PPP2R2B: variants seen among roughly 807,000 people sequenced by gnomAD.
The protein encoded by PPP2R2B is protein phosphatase 2 regulatory subunit Bbeta.
PPP2R2B carries 5 observed loss-of-function variants against 46.0 expected under a neutral mutation model. The ratio of observed to expected loss-of-function variants is 0.11; its 90% CI spans 0.06 to 0.23. The LOEUF (loss-of-function observed/expected upper bound fraction) is 0.23, where lower values mean the gene tolerates loss of function less well. PPP2R2B is among the 10% of genes least tolerant of loss of function. The pLI is 1.00. For missense variants in PPP2R2B, 367 were observed against 575.0 expected (o/e 0.64, Z 3.70); for synonymous variants, 215 against 206.7 (o/e 1.04, Z -0.34).
intron 2 of PPP2R2B, among the ~76,000 whole-genome samples, chr5:146,849,988 C>G (rs1487241758): frequency 6.6e-6 from 1 of 152,096 alleles, no homozygotes; most frequent in Non-Finnish European, 1.5e-5. Flanking sequence ...CTGAGAACAG[C>G]CTTTGAAGGT....
At chr5:146,715,219 A>T (rs750121883) in intron 2 of PPP2R2B, among the ~76,000 whole-genome samples, 1 of 152,206 alleles carries the variant, frequency 6.6e-6, no homozygotes, top group Non-Finnish European at 1.5e-5. Context: ...AGTGATTTGT[A>T]GATCTCCCTT....
intron 2 of PPP2R2B, among the ~76,000 whole-genome samples, chr5:147,072,827 T>C (rs776812894): frequency 5.3e-5 from 8 of 152,230 alleles, no homozygotes; most frequent in Non-Finnish European, 1.2e-4. Flanking sequence ...AAGAGAATAA[T>C]TGAACCATGA....
chr5:146,862,876 A>AC (rs1239880125), intron 2 of PPP2R2B, among the ~76,000 whole-genome samples: 1 of 151,428 alleles, frequency 6.6e-6, no homozygotes, highest in East Asian at 1.9e-4. Context: ...AAAAAAAAAA[A>AC]ACCCTGGCTT....
chr5:146,841,253 T>A (rs1759621623), intron 2 of PPP2R2B, among the ~76,000 whole-genome samples: 1 of 152,208 alleles, frequency 6.6e-6, no homozygotes, highest in South Asian at 2.1e-4. Context: ...TATTCACTAG[T>A]ACAAATTTTA....
At chr5:147,014,765 G>A (rs1177036129) in intron 1 of PPP2R2B, among the ~76,000 whole-genome samples, 6 of 151,728 alleles carry the variant, frequency 4.0e-5, no homozygotes, top group Non-Finnish European at 7.4e-5. Flanking sequence ...GGATATCATT[G>A]GGAGATATAC....
chr5:146,938,253 G>T (rs1374779456), intron 1 of PPP2R2B, among the ~76,000 whole-genome samples: 1 of 152,132 alleles, frequency 6.6e-6, no homozygotes, highest in Admixed American at 6.5e-5. Context: ...TCTGATTTCA[G>T]ATATATTAAA....
intron 1 of PPP2R2B, among the ~76,000 whole-genome samples, chr5:146,957,132 A>G (rs1751948926): frequency 6.6e-6 from 1 of 152,160 alleles, no homozygotes; most frequent in African/African-American, 2.4e-5. Context: ...ATTGTCCAAT[A>G]TTTTACCACT....
intron 6 of PPP2R2B, among the ~76,000 whole-genome samples, chr5:146,648,431 T>C (rs1775726591): frequency 6.6e-6 from 1 of 152,152 alleles, no homozygotes; most frequent in East Asian, 1.9e-4. Flanking sequence ...CTCTTAAAAT[T>C]AAATTTCCAG....
At chr5:146,747,077 G>C (rs1056662509) in intron 2 of PPP2R2B, among the ~76,000 whole-genome samples, 11 of 152,082 alleles carry the variant, frequency 7.2e-5, no homozygotes, top group Admixed American at 3.9e-4. Flanking sequence ...TCACCTTCTA[G>C]GTGCTTAATG....
At chr5:146,929,192 T>G (rs534528319) in intron 1 of PPP2R2B, among the ~76,000 whole-genome samples, 1 of 152,186 alleles carries the variant, frequency 6.6e-6, no homozygotes, top group South Asian at 2.1e-4. Flanking sequence ...ATTTCTGTTC[T>G]TTTCACAGCA....
chr5:146,591,399 C>G (rs990027167), intron 9 of PPP2R2B, among the ~76,000 whole-genome samples: 1 of 152,132 alleles, frequency 6.6e-6, no homozygotes, highest in Non-Finnish European at 1.5e-5. Context: ...TCTGTGTACT[C>G]GAGTGGACTG....
At chr5:146,726,777 T>C (rs1751895780) in intron 2 of PPP2R2B, among the ~76,000 whole-genome samples, 2 of 152,316 alleles carry the variant, frequency 1.3e-5, no homozygotes, top group South Asian at 4.1e-4. Flanking sequence ...CAGTCTCTTT[T>C]GCTGTATAAA....
At chr5:146,797,270 T>G (rs753494843) in intron 2 of PPP2R2B, among the ~76,000 whole-genome samples, 1 of 152,206 alleles carries the variant, frequency 6.6e-6, no homozygotes, top group Non-Finnish European at 1.5e-5. Flanking sequence ...AAGCAAATAA[T>G]TGCTTTTTAA....
chr5:146,736,160 C>T (rs1464974565), intron 2 of PPP2R2B, among the ~76,000 whole-genome samples: 1 of 152,164 alleles, frequency 6.6e-6, no homozygotes, highest in Non-Finnish European at 1.5e-5. Context: ...CATTATTCTC[C>T]TTCCTGCCTC....
intron 4 of PPP2R2B, among the ~76,000 whole-genome samples, chr5:146,693,782 T>C (rs2151157247): frequency 6.6e-6 from 1 of 152,360 alleles, no homozygotes; most frequent in Non-Finnish European, 1.5e-5. Flanking sequence ...CTTCTAATAA[T>C]GGTCCGCAAA....
chr5:146,788,084 C>T (rs940394867), intron 2 of PPP2R2B, among the ~76,000 whole-genome samples: 25 of 152,268 alleles, frequency 1.6e-4, no homozygotes, highest in Admixed American at 1.3e-3. Flanking sequence ...ATGAGAATCC[C>T]TCCCTCTGCC....
At chr5:146,799,408 A>G (rs1032741481) in intron 2 of PPP2R2B, among the ~76,000 whole-genome samples, 5 of 152,190 alleles carry the variant, frequency 3.3e-5, no homozygotes, top group Non-Finnish European at 5.9e-5. Context: ...TGTGAAACCA[A>G]TTAGGGTTTC....
At chr5:146,801,299 T>A (rs1315657473) in intron 2 of PPP2R2B, among the ~76,000 whole-genome samples, 1 of 152,086 alleles carries the variant, frequency 6.6e-6, no homozygotes, top group East Asian at 1.9e-4. Flanking sequence ...AGACTTGAAA[T>A]TTGCTAAAAG....
intron 2 of PPP2R2B, among the ~76,000 whole-genome samples, chr5:146,752,000 G>A (rs1753586084): frequency 6.6e-6 from 1 of 152,132 alleles, no homozygotes; most frequent in Admixed American, 6.5e-5. Flanking sequence ...TGAAACTGCA[G>A]GCCTTGGTTA....
Sources: gnomAD v4.1 joint callset for allele counts (sites outside exome capture counted in the v4.1 genomes callset) on GRCh38, gnomAD v4.1.1 for gene constraint, MANE v1.5 for transcripts, NCBI Gene and HGNC (gene_info 2026-07-23, HGNC 2026-07-21) for gene names.